The following NAA60 variants were observed in gnomAD, a reference collection of about 807,000 sequenced individuals.
NAA60 encodes the protein N-alpha-acetyltransferase 60, NatF catalytic subunit, also known as N-alpha-acetyltransferase 60.
A neutral mutation model predicts 26.1 loss-of-function variants in NAA60; 8 were observed. The observed-to-expected ratio is 0.31, with a 90% CI of 0.18 to 0.55. The LOEUF (loss-of-function observed/expected upper bound fraction) is 0.55, where lower values mean the gene tolerates loss of function less well. NAA60 is among the 20% of genes least tolerant of loss of function. NAA60 has a pLI of 0.93. For missense variants in NAA60, 290 were observed against 311.3 expected (o/e 0.93, Z 0.51); for synonymous variants, 131 against 122.5 (o/e 1.07, Z -0.46).
At chr16:3,459,392 GC>G in intron 2 of NAA60, among the ~76,000 whole-genome samples, 1 of 152,164 alleles carries the variant, frequency 6.6e-6, no homozygotes, top group Non-Finnish European at 1.5e-5. Flanking sequence ...AGCATCTGGG[GC>G]AAAAACAAAT....
intron 2 of NAA60, among the ~76,000 whole-genome samples, chr16:3,450,762 T>C (rs1017275317): frequency 1.1e-4 from 16 of 150,208 alleles, no homozygotes; most frequent in African/African-American, 3.9e-4. Context: ...CAGGTTTTAA[T>C]GATGAACTAG....
chr16:3,463,807 A>G (rs779244051), intron 2 of NAA60, among the ~76,000 whole-genome samples: 1 of 152,082 alleles, frequency 6.6e-6, no homozygotes, highest in Non-Finnish European at 1.5e-5. Flanking sequence ...AAAGTTCGAG[A>G]CCAGCTTGGG....
rs541109642 is a variant in NAA60 at position 3,484,871 on chromosome 16, C to T, written c.*16C>T. 69 of 1,553,082 alleles carry T rather than the reference C, an allele frequency of 4.4e-5. No homozygotes were observed. Among genetic ancestry groups the T allele is most frequent in the Admixed American group, 3.5e-4 (18 of 51,334 alleles). Reference sequence around the variant, plus strand: ...GACCATGTGATGTCGGCTGGGCAGCCGCCACCAGGCCCCACCCTTCGGCCG... The same window carrying T: ...GACCATGTGATGTCGGCTGGGCAGCTGCCACCAGGCCCCACCCTTCGGCCG... On this transcript the variant is annotated 3_prime_UTR_variant, in exon 7 of 8. Coordinates refer to ENST00000407558, the MANE Select transcript of NAA60 (RefSeq NM_001083601.3).
intron 1 of NAA60, among the ~76,000 whole-genome samples, chr16:3,445,480 C>A (rs2034515179): frequency 6.6e-6 from 1 of 151,364 alleles, no homozygotes; most frequent in South Asian, 2.1e-4. Context: ...GGGGTTTCAT[C>A]ATGTTGGCCA....
chr16:3,460,499 G>C (rs59385851), intron 2 of NAA60, among the ~76,000 whole-genome samples: 7,380 of 152,256 alleles, frequency 0.048, 591 homozygotes, highest in African/African-American at 0.17. Flanking sequence ...GAGTAGCTGG[G>C]ATTACAGTCA....
At chr16:3,466,820 G>A (rs1373043099) in intron 2 of NAA60, among the ~76,000 whole-genome samples, 2 of 152,140 alleles carry the variant, frequency 1.3e-5, no homozygotes, top group African/African-American at 4.8e-5. Context: ...TTCCTGGAGG[G>A]GCTCTGGATT....
intron 2 of NAA60, among the ~76,000 whole-genome samples, chr16:3,465,257 ACT>A (rs1376288689): frequency 2.6e-3 from 369 of 142,856 alleles, no homozygotes; most frequent in African/African-American, 9.0e-3. Context: ...ACAGAGCGAG[ACT>A]CTGTCTCAAA....
chr16:3,454,262 C>T (rs1488585527), intron 2 of NAA60, among the ~76,000 whole-genome samples: 7 of 152,212 alleles, frequency 4.6e-5, no homozygotes, highest in African/African-American at 1.7e-4. Context: ...GTGCCATGAC[C>T]TGGCAGCTTG....
intron 3 of NAA60, among the ~76,000 whole-genome samples, 180 bp from the exon 4 acceptor site, chr16:3,479,291 C>T (rs1346306951): frequency 6.6e-6 from 1 of 152,202 alleles, no homozygotes; most frequent in African/African-American, 2.4e-5. Context: ...AGACAGATCA[C>T]TGCTTTAAGA....
At chr16:3,469,379 C>G (rs1330562357) in intron 2 of NAA60, among the ~76,000 whole-genome samples, 1 of 148,800 alleles carries the variant, frequency 6.7e-6, no homozygotes, top group Non-Finnish European at 1.5e-5. Context: ...CAGAGAGCAC[C>G]TGCCTGGCAG....
chr16:3,469,568 C>T (rs1169347956), intron 2 of NAA60, among the ~76,000 whole-genome samples: 3 of 122,390 alleles, frequency 2.5e-5, no homozygotes, highest in Non-Finnish European at 5.4e-5. Flanking sequence ...GCAGAGAGCA[C>T]CTGCCTGGTG....
intron 2 of NAA60, among the ~76,000 whole-genome samples, chr16:3,463,694 G>C (rs776483132): frequency 2.0e-4 from 30 of 148,008 alleles, no homozygotes; most frequent in Admixed American, 4.2e-4. Flanking sequence ...GGGAGACCCA[G>C]TCTCTACTTA....
Position 3,448,446 on chromosome 16 carries a change from G to A in NAA60, c.-76-25G>A, listed in dbSNP as rs908372672. 4.6e-6 allele frequency: 7 copies of A among 1,531,840 alleles called. No homozygotes were observed. In the African/African-American group the frequency reaches 8.2e-5, roughly 18 times the overall value. 94.9% of individuals were successfully genotyped at this position (1,531,840 alleles called of 1,614,324 possible). Reference sequence around the variant, plus strand: ...ATGGGATGGCCAGGAGTGAAGTGATGGCCTTGTGTCTTTCTCCCCTGCAGC... The same window carrying A: ...ATGGGATGGCCAGGAGTGAAGTGATAGCCTTGTGTCTTTCTCCCCTGCAGC... On this transcript the variant is annotated intron_variant, in intron 1 of 7. Coordinates refer to ENST00000407558, the MANE Select transcript of NAA60 (RefSeq NM_001083601.3).
At position 3,459,201 on chromosome 16, in the gene NAA60, C is replaced by T. The variant is rs370121196; in HGVS notation, c.-7+10661C>T. ...CAGATGTTTGCCTTTTACCAGGGCA[C>T]TGAAGGCATAAAACCCTTAGTTAAT... is the stretch of plus-strand genomic sequence containing the variant. On this transcript the variant is annotated intron_variant, in intron 2 of 7. Transcript: ENST00000407558. Among the ~76,000 whole-genome samples, 4 of 152,290 alleles carry T rather than the reference C, an allele frequency of 2.6e-5. No homozygotes were observed. In the South Asian group the frequency reaches 8.3e-4, roughly 32 times the overall value.
chr16:3,451,662 A>C (rs1263044995), intron 2 of NAA60, among the ~76,000 whole-genome samples: 1 of 152,226 alleles, frequency 6.6e-6, no homozygotes, highest in Non-Finnish European at 1.5e-5. Context: ...TCACACCTGT[A>C]ATCCTAACAC....
At chr16:3,443,895 T>C in intron 1 of NAA60, 58 bp downstream of exon 1, 3 of 1,488,668 alleles carry the variant, frequency 2.0e-6, no homozygotes, top group Non-Finnish European at 2.7e-6. Flanking sequence ...CAGAGCAAGG[T>C]GATTGAGAGG....
chr16:3,445,170 A>G (rs1596274121), intron 1 of NAA60, among the ~76,000 whole-genome samples: 1 of 152,264 alleles, frequency 6.6e-6, no homozygotes, highest in East Asian at 1.9e-4. Flanking sequence ...TATGTTGAAG[A>G]AGAGCTAATA....
In NAA60 at chr16:3,477,048, AAG is replaced by A. The variant is rs2036529565; in HGVS notation, c.110+713_110+714del. On this transcript the variant is annotated intron_variant, in intron 3 of 7. Transcript: ENST00000407558. ...AAGAGCGATATTCCGTTTCAAAAAA[AAG>A]AAAGAAAGATATTAAAGGAAAAAAG... Among the ~76,000 whole-genome samples, 3 of 152,170 alleles carry A rather than the reference AAG, an allele frequency of 2.0e-5. No homozygotes were observed. In the South Asian group the frequency reaches 6.2e-4, roughly 32 times the overall value.
intron 2 of NAA60, among the ~76,000 whole-genome samples, chr16:3,471,546 C>T (rs1368378053): frequency 6.6e-6 from 1 of 152,086 alleles, no homozygotes; most frequent in Non-Finnish European, 1.5e-5. Flanking sequence ...TTTTCGTCCC[C>T]TCAGGAAGTC....
Sources: allele counts gnomAD v4.1 joint callset (sites outside exome capture counted in the v4.1 genomes callset), GRCh38; gene constraint gnomAD v4.1.1; transcripts MANE v1.5; gene names NCBI Gene and HGNC (gene_info 2026-07-23, HGNC 2026-07-21).